NAALADL2: variants seen among roughly 807,000 people sequenced by gnomAD.
NAALADL2 encodes inactive N-acetylated-alpha-linked acidic dipeptidase-like protein 2.
Under a neutral mutation model 87.2 loss-of-function variants are expected in NAALADL2, and 76 were observed. The observed-to-expected ratio is 0.87, with a 90% CI of 0.72 to 1.05. NAALADL2 has a LOEUF of 1.05. NAALADL2 is among the 50% of genes least tolerant of loss of function. The probability of loss-of-function intolerance (pLI) is 0.00; values close to 1 mark genes in which losing one functional copy is unlikely to be tolerated. For missense variants in NAALADL2, 1,089 were observed against 945.8 expected (o/e 1.15, Z -1.99); for synonymous variants, 354 against 331.0 (o/e 1.07, Z -0.75).
intron 3 of NAALADL2, among the ~76,000 whole-genome samples, chr3:174,844,497 A>G (rs188396952): frequency 2.0e-3 from 303 of 152,142 alleles, no homozygotes; most frequent in South Asian, 5.6e-3. Context: ...GTGGTTCCAT[A>G]TACATTTTTG....
intron 13 of NAALADL2, chr3:175,767,740 A>C (rs1029702783): frequency 5.3e-5 from 8 of 152,128 alleles, no homozygotes; most frequent in African/African-American, 1.7e-4. Flanking sequence ...GTTTCATAGA[A>C]TCAAGAACTA....
At chr3:174,938,865 G>A (rs763352943) in intron 1 of NAALADL2, among the ~76,000 whole-genome samples, 4 of 151,938 alleles carry the variant, frequency 2.6e-5, no homozygotes, top group Non-Finnish European at 5.9e-5. Context: ...TTTTAATGAG[G>A]TTGTTTGTTT....
chr3:175,241,727 A>G (rs1746920115), intron 3 of NAALADL2, among the ~76,000 whole-genome samples: 1 of 152,108 alleles, frequency 6.6e-6, no homozygotes, highest in Non-Finnish European at 1.5e-5. Context: ...CTATTTTATG[A>G]AATAATAGTT....
intron 1 of NAALADL2, among the ~76,000 whole-genome samples, chr3:174,537,650 G>A (rs186834052): frequency 6.6e-5 from 10 of 152,242 alleles, no homozygotes; most frequent in Non-Finnish European, 8.8e-5. Context: ...AATGATGTGG[G>A]CACCTAAGCC....
At chr3:174,612,107 T>C (rs574581460) in intron 2 of NAALADL2, among the ~76,000 whole-genome samples, 3 of 152,306 alleles carry the variant, frequency 2.0e-5, no homozygotes, top group African/African-American at 7.2e-5. Flanking sequence ...ACTTTAAGTA[T>C]GTATTGCTGC....
rs556087407 is a variant in NAALADL2, at chr3:175,509,119, AAAAAAAAAAG to A, written c.1653+37374_1653+37383del. Among the ~76,000 whole-genome samples the A allele has an allele frequency of 2.8e-3, 427 of 151,960 alleles. 6 individuals carry two copies. The highest frequency in any genetic ancestry group is 0.025 in the Admixed American group (377 of 15,258). On this transcript the variant is annotated intron_variant, in intron 9 of 13. Coordinates refer to ENST00000454872, the MANE Select transcript of NAALADL2 (RefSeq NM_207015.3). Reference sequence around the variant, plus strand: ...TGACAAGAGCAAAACTCCGTGTCAAAAAAAAAAAAGAAAAAAAAAGAATAGAGAACTGCCA... The same window carrying A: ...TGACAAGAGCAAAACTCCGTGTCAAAAAAAAAAAAGAATAGAGAACTGCCA...
chr3:175,066,124 G>A (rs1021282584), intron 1 of NAALADL2, among the ~76,000 whole-genome samples: 1 of 152,144 alleles, frequency 6.6e-6, no homozygotes. Flanking sequence ...CACTGAAACA[G>A]GGTGACTGTT....
chr3:175,368,656 G>T (rs77325738), intron 5 of NAALADL2, among the ~76,000 whole-genome samples: 1 of 151,624 alleles, frequency 6.6e-6, no homozygotes, highest in African/African-American at 2.4e-5. Flanking sequence ...TAATGGAGAT[G>T]CTTTCTGAGA....
At chr3:175,212,442 A>T (rs1741895166) in intron 2 of NAALADL2, among the ~76,000 whole-genome samples, 1 of 152,148 alleles carries the variant, frequency 6.6e-6, no homozygotes, top group Non-Finnish European at 1.5e-5. Context: ...AATCAAATTT[A>T]CTGAAGATAT....
chr3:175,791,007 G>A (rs781569197), intron 13 of NAALADL2, among the ~76,000 whole-genome samples: 2 of 152,106 alleles, frequency 1.3e-5, no homozygotes, highest in Non-Finnish European at 2.9e-5. Flanking sequence ...AGGGAGCTGG[G>A]AAAAAATACA....
rs757017414 is a variant in NAALADL2 at position 175,809,107 on chromosome 3, A to T, written c.*5904A>T. 6.6e-6 allele frequency: 1 copy of T among 151,986 alleles called. No homozygotes were observed. Among genetic ancestry groups the T allele is most frequent in the Non-Finnish European group, 1.5e-5 (1 of 67,968 alleles). The allele number at this position is 151,986 out of a possible 1,614,324, so 9.4% of individuals were successfully genotyped here. The stretch of plus-strand genomic sequence containing the variant: ...TATATCAAGCTGCTGCAAATGGACT[A>T]CCTTATTTTAAAAGTTAGAATAAAA... On this transcript the variant is annotated 3_prime_UTR_variant, in exon 14 of 14. Coordinates refer to ENST00000454872, the MANE Select transcript of NAALADL2 (RefSeq NM_207015.3).
intron 2 of NAALADL2, among the ~76,000 whole-genome samples, chr3:174,607,579 C>A (rs1279364234): frequency 6.6e-6 from 1 of 151,022 alleles, no homozygotes. Flanking sequence ...AAGGCCATTA[C>A]ATAATGGTAA....
In NAALADL2 at chr3:175,786,566, CT is replaced by C. The variant is rs1751991551; in HGVS notation, c.2190-16437del. 3.9e-5 allele frequency among the ~76,000 whole-genome samples: 6 copies of C among 152,258 alleles called. No homozygotes were observed. The South Asian group carries it at 1.2e-3, about 32-fold the overall frequency. On this transcript the variant is annotated intron_variant, in intron 13 of 13. Transcript: ENST00000454872. ...TCAGCTCCATCAGCTCCTTTAAGCA[CT>C]TCTCTGTATTGGTTATTCTAGTTAT...
intron 1 of NAALADL2, among the ~76,000 whole-genome samples, chr3:174,521,935 A>T (rs1251894204): frequency 6.6e-6 from 1 of 151,984 alleles, no homozygotes; most frequent in African/African-American, 2.4e-5. Flanking sequence ...TGAATCTAAA[A>T]TTATATTAAA....
chr3:175,718,647 C>T, intron 11 of NAALADL2: 2 of 1,585,626 alleles, frequency 1.3e-6, no homozygotes, highest in Non-Finnish European at 1.7e-6. Context: ...ACTTTTACTC[C>T]CGAGCCCGTG....
chr3:175,211,766 C>T (rs777771713), intron 2 of NAALADL2, among the ~76,000 whole-genome samples: 1 of 151,946 alleles, frequency 6.6e-6, no homozygotes, highest in Non-Finnish European at 1.5e-5. Flanking sequence ...TTGTGATGTG[C>T]AATTATATTT....
At chr3:174,451,615 A>C (rs1715485000) in intron 1 of NAALADL2, among the ~76,000 whole-genome samples, 1 of 152,174 alleles carries the variant, frequency 6.6e-6, no homozygotes, top group African/African-American at 2.4e-5. Flanking sequence ...TTAAAAAAGG[A>C]TTTGCCATTA....
At chr3:174,831,481 T>G (rs1402943069) in intron 3 of NAALADL2, among the ~76,000 whole-genome samples, 1 of 141,536 alleles carries the variant, frequency 7.1e-6, no homozygotes, top group Non-Finnish European at 1.5e-5. Context: ...GTGGATAAGC[T>G]TTTTGATGTG....
chr3:175,699,279 T>G (rs914636934), intron 11 of NAALADL2, among the ~76,000 whole-genome samples: 1 of 151,864 alleles, frequency 6.6e-6, no homozygotes, highest in African/African-American at 2.4e-5. Context: ...AAGCACTACA[T>G]ATATATAATT....
Sources: allele counts gnomAD v4.1 joint callset (sites outside exome capture counted in the v4.1 genomes callset), GRCh38; gene constraint gnomAD v4.1.1; transcripts MANE v1.5; gene names NCBI Gene and HGNC (gene_info 2026-07-23, HGNC 2026-07-21).